PRH1: variants seen among roughly 807,000 people sequenced by gnomAD.
PRH1 encodes salivary acidic proline-rich phosphoprotein 1/2.
PRH1 carries 7 observed loss-of-function variants against 7.9 expected under a neutral mutation model. The observed-to-expected ratio is 0.89, with a 90% CI of 0.50 to 1.67. The LOEUF is 1.67. Ranked by LOEUF, PRH1 falls within the 40% of genes most tolerant of loss-of-function variation. The probability of loss-of-function intolerance (pLI) is 0.00; values close to 1 mark genes in which losing one functional copy is unlikely to be tolerated. For synonymous variants in PRH1, 45 were observed against 80.8 expected (o/e 0.56, Z 2.38); for missense variants, 109 against 223.6 (o/e 0.49, Z 3.27).
intron 1 of PRH1, among the ~76,000 whole-genome samples, chr12:11,040,106 CAT>C (rs369435457): frequency 1.2e-4 from 18 of 152,266 alleles, no homozygotes; most frequent in African/African-American, 3.1e-4. Context: ...TTGAAAAACA[CAT>C]GTTTCTCACT....
At chr12:11,020,727 T>C (rs1192026785) in intron 1 of PRH1, among the ~76,000 whole-genome samples, 2 of 152,102 alleles carry the variant, frequency 1.3e-5, no homozygotes, top group Admixed American at 6.6e-5. Context: ...TCTTCTATAG[T>C]TTCTATACCC....
intron 1 of PRH1, among the ~76,000 whole-genome samples, chr12:11,073,743 A>G (rs1944182264): frequency 6.6e-6 from 1 of 152,120 alleles, no homozygotes; most frequent in Admixed American, 6.5e-5. Context: ...ATTGAGTCAG[A>G]TGATCCAGCA....
intron 1 of PRH1, among the ~76,000 whole-genome samples, chr12:11,011,281 T>C (rs186911333): frequency 6.6e-6 from 1 of 152,224 alleles, no homozygotes; most frequent in Admixed American, 6.5e-5. Flanking sequence ...AGTAATGTTC[T>C]TTTTCCTTTT....
intron 2 of PRH1, among the ~76,000 whole-genome samples, chr12:10,901,354 C>T (rs908120942): frequency 2.6e-5 from 4 of 152,168 alleles, no homozygotes; most frequent in African/African-American, 9.7e-5. Flanking sequence ...CTCCAATATC[C>T]CTGTGCAAAG....
chr12:11,123,578 G>C (rs553881133), intron 1 of PRH1, among the ~76,000 whole-genome samples: 1 of 151,940 alleles, frequency 6.6e-6, no homozygotes, highest in Non-Finnish European at 1.5e-5. Flanking sequence ...ATTGCTTCTT[G>C]CATGTTCAAC....
chr12:11,102,036 A>G (rs1195643797), intron 1 of PRH1, among the ~76,000 whole-genome samples: 1 of 152,188 alleles, frequency 6.6e-6, no homozygotes, highest in Non-Finnish European at 1.5e-5. Context: ...TCAATGAAAT[A>G]AAAGAGGATA....
intron 1 of PRH1, chr12:11,031,550 C>T (rs547649472): frequency 2.4e-5 from 13 of 534,794 alleles, no homozygotes; most frequent in African/African-American, 7.7e-5. Context: ...GGGAGGAAGG[C>T]GACCCAGGCA....
At position 10,981,864 on chromosome 12, in the gene PRH1, A is replaced by ATT. The variant is rs3033036; in HGVS notation, c.-125-8145_-125-8144dup. ...AGGCACACACTACCACAAACAACTA[A>ATT]TTTTTTTTTTTTTTTTTACAGATTC... On this transcript the variant is annotated intron_variant, in intron 1 of 3. Coordinates refer to the PRH1 transcript ENST00000539853. 3.1e-3 allele frequency among the ~76,000 whole-genome samples: 433 copies of ATT among 141,630 alleles called. 3 individuals are homozygous for ATT. The highest frequency in any genetic ancestry group is 5.6e-3 in the African/African-American group (214 of 38,472). 92.9% of individuals were successfully genotyped at this position (141,630 alleles called of 152,430 possible). A position where few individuals can be genotyped will look rare whatever the true frequency, so the allele number is the denominator to read the frequency against.
chr12:11,061,945 A>G, intron 1 of PRH1: 2 of 1,614,010 alleles, frequency 1.2e-6, no homozygotes, highest in Non-Finnish European at 1.7e-6. Context: ...GTGAAGAAAA[A>G]TAAGGTTGGA....
intron 1 of PRH1, chr12:11,171,086 C>T: frequency 2.7e-6 from 1 of 375,514 alleles, no homozygotes; most frequent in Non-Finnish European, 4.7e-6. Flanking sequence ...TTCGTACATG[C>T]TATATAACAC....
chr12:10,996,127 C>T (rs1190939883), intron 1 of PRH1, among the ~76,000 whole-genome samples: 1 of 151,400 alleles, frequency 6.6e-6, no homozygotes, highest in African/African-American at 2.4e-5. Flanking sequence ...ACCAGCCTGG[C>T]CAGCATGGTG....
chr12:11,067,019 T>C (rs1490251774), intron 1 of PRH1, among the ~76,000 whole-genome samples: 2 of 152,198 alleles, frequency 1.3e-5, no homozygotes, highest in African/African-American at 4.8e-5. Context: ...ATCAACTTCA[T>C]TTCATCTTTT....
At chr12:11,090,718 C>T (rs1944851868) in intron 1 of PRH1, among the ~76,000 whole-genome samples, 2 of 117,884 alleles carry the variant, frequency 1.7e-5, no homozygotes, top group Admixed American at 8.4e-5. Flanking sequence ...ATTCTCATTG[C>T]TTTTTACTAA....
intron 2 of PRH1, among the ~76,000 whole-genome samples, chr12:10,922,366 C>A (rs1315487603): frequency 6.6e-6 from 1 of 152,090 alleles, no homozygotes; most frequent in South Asian, 2.1e-4. Context: ...AAAGCTTTTT[C>A]GTTGCTGAGT....
intron 1 of PRH1, among the ~76,000 whole-genome samples, chr12:10,980,255 T>G (rs115053730): frequency 6.6e-6 from 1 of 152,170 alleles, no homozygotes; most frequent in Non-Finnish European, 1.5e-5. Context: ...AGACACTAAC[T>G]GTACCAAATG....
intron 1 of PRH1, among the ~76,000 whole-genome samples, chr12:11,018,231 T>G (rs374341720): frequency 6.9e-6 from 1 of 143,886 alleles, no homozygotes; most frequent in East Asian, 2.2e-4. Context: ...CCCTCTTCAG[T>G]GGAGGATTAT....
At chr12:10,961,008 A>T (rs149927540) in intron 2 of PRH1, among the ~76,000 whole-genome samples, 42 of 152,296 alleles carry the variant, frequency 2.8e-4, no homozygotes, top group African/African-American at 8.7e-4. Context: ...TCCAAAGGCC[A>T]TTGGTCTCAA....
intron 1 of PRH1, among the ~76,000 whole-genome samples, chr12:11,055,323 A>C (rs1232238699): frequency 2.2e-5 from 2 of 89,096 alleles, no homozygotes; most frequent in Non-Finnish European, 5.5e-5. Context: ...CATTACTGTT[A>C]TGGATAATAA....
At chr12:11,090,946 A>G (rs1255389280) in intron 1 of PRH1, among the ~76,000 whole-genome samples, 1 of 110,370 alleles carries the variant, frequency 9.1e-6, no homozygotes, top group Non-Finnish European at 2.1e-5. Flanking sequence ...AGACATTGCA[A>G]ATTCTACAAA....
Sources: gnomAD v4.1 joint callset for allele counts (sites outside exome capture counted in the v4.1 genomes callset) on GRCh38, gnomAD v4.1.1 for gene constraint, MANE v1.5 for transcripts, NCBI Gene and HGNC (gene_info 2026-07-23, HGNC 2026-07-21) for gene names.